L3MBTL3: variants seen among roughly 807,000 people sequenced by gnomAD.
The protein encoded by L3MBTL3 is lethal(3)malignant brain tumor-like protein 3.
L3MBTL3 carries 27 observed loss-of-function variants against 102.3 expected under a neutral mutation model. That is an observed-to-expected ratio of 0.26 (90% CI 0.19 to 0.36). The LOEUF (loss-of-function observed/expected upper bound fraction) is 0.36. L3MBTL3 is among the 10% of genes least tolerant of loss of function. The probability of loss-of-function intolerance (pLI) is 1.00; values close to 1 mark genes in which losing one functional copy is unlikely to be tolerated. For synonymous variants in L3MBTL3, 340 were observed against 320.9 expected (o/e 1.06, Z -0.64); for missense variants, 798 against 955.3 (o/e 0.84, Z 2.17).
intron 22 of L3MBTL3, among the ~76,000 whole-genome samples, chr6:130,137,349 G>A (rs1313438725): frequency 6.6e-6 from 1 of 151,618 alleles, no homozygotes; most frequent in Non-Finnish European, 1.5e-5. Flanking sequence ...GAAGCTAACC[G>A]AAAAAAAAGT....
chr6:130,036,162 C>G (rs189740306), intron 2 of L3MBTL3, among the ~76,000 whole-genome samples: 32 of 152,238 alleles, frequency 2.1e-4, no homozygotes, highest in Non-Finnish European at 4.4e-4. Flanking sequence ...TGTTTGTATG[C>G]AAGTATACAC....
At chr6:130,120,143 A>C (rs1466706602) in intron 19 of L3MBTL3, among the ~76,000 whole-genome samples, 2 of 152,208 alleles carry the variant, frequency 1.3e-5, no homozygotes, top group Non-Finnish European at 2.9e-5. Flanking sequence ...AGAAATTGCA[A>C]AATGGGGTTT....
chr6:130,102,293 C>A (rs59130283), intron 18 of L3MBTL3, among the ~76,000 whole-genome samples: 1 of 152,172 alleles, frequency 6.6e-6, no homozygotes, highest in African/African-American at 2.4e-5. Context: ...TTACGTCATA[C>A]CTTTACTCTT....
intron 16 of L3MBTL3, among the ~76,000 whole-genome samples, chr6:130,088,820 T>C (rs957199790): frequency 2.6e-5 from 4 of 152,220 alleles, no homozygotes; most frequent in Admixed American, 2.6e-4. Context: ...CTTCATGTTG[T>C]GGTAATTCAA....
At chr6:130,063,874 G>C (rs1378699431) in intron 10 of L3MBTL3, among the ~76,000 whole-genome samples, 2 of 152,164 alleles carry the variant, frequency 1.3e-5, no homozygotes, top group African/African-American at 2.4e-5. Flanking sequence ...CTTATTCCCA[G>C]TACGAGAACT....
chr6:130,048,941 A>AACACACAC (rs6149808), intron 3 of L3MBTL3, among the ~76,000 whole-genome samples: 1,187 of 78,506 alleles, frequency 0.015, 12 homozygotes, highest in African/African-American at 0.032. Context: ...TCTTAGTTAA[A>AACACACAC]ACACACACAC....
intron 16 of L3MBTL3, among the ~76,000 whole-genome samples, chr6:130,087,839 G>A (rs1783783555): frequency 6.6e-6 from 1 of 151,202 alleles, no homozygotes; most frequent in Non-Finnish European, 1.5e-5. Flanking sequence ...GATATCTGCT[G>A]TTGTTTTTTT....
chr6:130,043,654 C>T (rs534144182), intron 3 of L3MBTL3, among the ~76,000 whole-genome samples: 8 of 152,254 alleles, frequency 5.3e-5, no homozygotes, highest in African/African-American at 1.9e-4. Context: ...CTGGGCTTAC[C>T]TCTCAAATGT....
At chr6:130,089,753 C>G (rs1783918986) in intron 16 of L3MBTL3, among the ~76,000 whole-genome samples, 1 of 151,974 alleles carries the variant, frequency 6.6e-6, no homozygotes, top group South Asian at 2.1e-4. Context: ...TTAATAATTG[C>G]CATTCTAGCT....
chr6:130,110,734 A>C (rs1171976189), intron 19 of L3MBTL3, among the ~76,000 whole-genome samples: 1 of 152,188 alleles, frequency 6.6e-6, no homozygotes, highest in East Asian at 1.9e-4. Flanking sequence ...ACTATGTTGA[A>C]TAGGAGTGAT....
intron 19 of L3MBTL3, among the ~76,000 whole-genome samples, chr6:130,115,265 C>G (rs565527891): frequency 6.6e-5 from 10 of 152,260 alleles, no homozygotes; most frequent in Admixed American, 6.5e-4. Context: ...AGTGAACTTT[C>G]ACACTTGAGC....
intron 2 of L3MBTL3, among the ~76,000 whole-genome samples, chr6:130,029,012 A>G (rs1356287631): frequency 2.6e-5 from 4 of 152,008 alleles, no homozygotes; most frequent in Non-Finnish European, 2.9e-5. Context: ...AGTGTATTGT[A>G]TTTTCCTCTT....
chr6:130,090,674 T>C (rs2115206116), intron 16 of L3MBTL3, among the ~76,000 whole-genome samples: 1 of 152,232 alleles, frequency 6.6e-6, no homozygotes, highest in African/African-American at 2.4e-5. Flanking sequence ...TGGCTCACTG[T>C]AGCCTCAACC....
chr6:130,124,093 C>T (rs941027421), intron 20 of L3MBTL3, among the ~76,000 whole-genome samples: 5 of 152,202 alleles, frequency 3.3e-5, no homozygotes, highest in African/African-American at 1.2e-4. Context: ...CTTAGCCCAT[C>T]CCACAAGTTG....
At chr6:130,030,102 A>G (rs1443982719) in intron 2 of L3MBTL3, among the ~76,000 whole-genome samples, 1 of 151,602 alleles carries the variant, frequency 6.6e-6, no homozygotes, top group Admixed American at 6.6e-5. Context: ...TTTTTGATTC[A>G]CCTGCCTCGG....
At chr6:130,077,908 CAT>C (rs1314848185) in intron 13 of L3MBTL3, among the ~76,000 whole-genome samples, 1 of 152,126 alleles carries the variant, frequency 6.6e-6, no homozygotes, top group East Asian at 1.9e-4. Context: ...TAGGCTGAAA[CAT>C]GTTGCATTTT....
intron 3 of L3MBTL3, among the ~76,000 whole-genome samples, chr6:130,047,802 A>C (rs1177517885): frequency 6.6e-6 from 1 of 152,168 alleles, no homozygotes; most frequent in Non-Finnish European, 1.5e-5. Context: ...TTCTGTCTTC[A>C]AAGTGATCAT....
chr6:130,140,107 C>A lies in L3MBTL3; in HGVS notation c.*354C>A, dbSNP rs1470518071. 1 of 187,242 alleles carries A rather than the reference C, an allele frequency of 5.3e-6. No homozygotes were observed. The highest frequency in any genetic ancestry group is 1.6e-4 in the East Asian group (1 of 6,146). The allele number at this position is 187,242 out of a possible 1,614,324, so 11.6% of individuals were successfully genotyped here. A position where few individuals can be genotyped will look rare whatever the true frequency, so the allele number is the denominator to read the frequency against. On this transcript the variant is annotated 3_prime_UTR_variant, in exon 23 of 23. Coordinates refer to ENST00000361794, the MANE Select transcript of L3MBTL3 (RefSeq NM_032438.4). ...GGCATTTTGTAAACATTGTTGAATT[C>A]TCTTTCATGTACACTGTTTCTTTTT...
chr6:130,030,272 A>G (rs1353293955), intron 2 of L3MBTL3, among the ~76,000 whole-genome samples: 2 of 152,014 alleles, frequency 1.3e-5, no homozygotes, highest in Non-Finnish European at 1.5e-5. Flanking sequence ...CCCTATGGAG[A>G]GGATATACCT....
Sources: gnomAD v4.1 joint callset for allele counts (sites outside exome capture counted in the v4.1 genomes callset) on GRCh38, gnomAD v4.1.1 for gene constraint, MANE v1.5 for transcripts, NCBI Gene and HGNC (gene_info 2026-07-23, HGNC 2026-07-21) for gene names.